LRRC37A3: variants seen among roughly 807,000 people sequenced by gnomAD.
The protein encoded by LRRC37A3 is leucine rich repeat containing 37 member A3.
Under a neutral mutation model 106.2 loss-of-function variants are expected in LRRC37A3, and 25 were observed. The ratio of observed to expected loss-of-function variants is 0.24; its 90% CI spans 0.17 to 0.33. The LOEUF is 0.33. LRRC37A3 is among the 10% of genes least tolerant of loss of function. LRRC37A3 has a pLI of 1.00. For synonymous variants in LRRC37A3, 305 were observed against 635.8 expected, an observed-to-expected ratio of 0.48 and a Z score of 7.83; for missense variants, 712 against 1,644.9, an observed-to-expected ratio of 0.43 and a Z score of 9.81.
At chr17:64,861,573 A>C (rs1470263863) in intron 11 of LRRC37A3, among the ~76,000 whole-genome samples, 3 of 152,230 alleles carry the variant, frequency 2.0e-5, no homozygotes, top group Non-Finnish European at 4.4e-5. Flanking sequence ...AGAAGATGCG[A>C]CATGGAAAAA....
At chr17:64,873,416 T>C (rs1359636588) in intron 8 of LRRC37A3, among the ~76,000 whole-genome samples, 1 of 152,156 alleles carries the variant, frequency 6.6e-6, no homozygotes, top group Non-Finnish European at 1.5e-5. Flanking sequence ...AGCCTCAGCC[T>C]CCCAAAGTGC....
In LRRC37A3 at chr17:64,862,886, C is replaced by G. The variant is rs746175342; in HGVS notation, c.3172+14G>C. 1 of 1,599,066 alleles carries G rather than the reference C, an allele frequency of 6.3e-7. No homozygotes were observed. Among genetic ancestry groups the G allele is most frequent in the Non-Finnish European group, 8.5e-7 (1 of 1,179,716 alleles). Reference sequence around the variant, plus strand: ...CTTAATGTAACAATTTATCACCATGCAATTTGGACTCACGACAATGTGTGG... The same window carrying G: ...CTTAATGTAACAATTTATCACCATGGAATTTGGACTCACGACAATGTGTGG... On this transcript the variant is annotated intron_variant, in intron 11 of 14. Transcript: ENST00000584306.
chr17:64,914,706 ATTT>A (rs1207501518), intron 2 of LRRC37A3, among the ~76,000 whole-genome samples: 1 of 143,070 alleles, frequency 7.0e-6, no homozygotes, highest in East Asian at 2.0e-4. Flanking sequence ...ACTCATCTCT[ATTT>A]AAAAAGAAAG....
chr17:64,873,909 CA>C (rs1235486965), intron 8 of LRRC37A3, among the ~76,000 whole-genome samples: 4 of 152,038 alleles, frequency 2.6e-5, no homozygotes, highest in African/African-American at 9.7e-5. Flanking sequence ...ACTTCCCAAA[CA>C]TGATGAAAAA....
chr17:64,860,105 C>T lies in LRRC37A3; in HGVS notation c.4041G>A (p.Ala1347=), dbSNP rs761089250. 4.1e-5 allele frequency: 66 copies of T among 1,613,932 alleles called. 1 individual carries two copies. The highest frequency in any genetic ancestry group is 3.6e-4 in the South Asian group (33 of 91,064). The change falls in exon 12 of 15, where the codon GCG becomes GCA. Residue 1347 remains alanine, a synonymous_variant. Transcript: ENST00000584306. ...MLSNRLPFSA[A]KSLINSPSQG... ...GTGAAGGGGAATTTATGAGGCTCTT[C>T]GCTGCAGAGAACGGAAGCCTGTTTG... is the stretch of plus-strand genomic sequence containing the variant.
intron 8 of LRRC37A3, among the ~76,000 whole-genome samples, chr17:64,873,328 A>AT (rs1973383857): frequency 6.6e-6 from 1 of 150,620 alleles, no homozygotes; most frequent in Non-Finnish European, 1.5e-5. Context: ...CTAGACAAAG[A>AT]TTTTTTTATT....
chr17:64,879,936 C>T lies in LRRC37A3; in HGVS notation c.2906+6150G>A, dbSNP rs528066225. ...AACACCAAAAATAATGACTGTAAGG[C>T]AGTATGTAGCCAAACAACTTAGCAA... On this transcript the variant is annotated intron_variant, in intron 8 of 14. Coordinates refer to ENST00000584306, the MANE Select transcript of LRRC37A3 (RefSeq NM_199340.5). Among the ~76,000 whole-genome samples the T allele has an allele frequency of 5.3e-3, 806 of 152,242 alleles. 2 individuals carry two copies. The highest frequency in any genetic ancestry group is 0.037 in the Middle Eastern group (11 of 294).
intron 10 of LRRC37A3, among the ~76,000 whole-genome samples, chr17:64,866,610 ATATATATATATATATATATT>A (rs1230938833): frequency 9.9e-5 from 2 of 20,224 alleles, no homozygotes; most frequent in Admixed American, 6.3e-4. Flanking sequence ...ATATATATAT[ATATATATATATATATATATT>A]TTTTTTTTTT....
At chr17:64,916,655 G>C (rs181054094) in intron 2 of LRRC37A3, among the ~76,000 whole-genome samples, 201 of 149,820 alleles carry the variant, frequency 1.3e-3, no homozygotes, top group African/African-American at 4.8e-3. Flanking sequence ...GTGGTGGTGC[G>C]CACTTGCAAT....
At chr17:64,909,206 A>G (rs1165924946) in intron 2 of LRRC37A3, among the ~76,000 whole-genome samples, 1 of 152,230 alleles carries the variant, frequency 6.6e-6, no homozygotes, top group African/African-American at 2.4e-5. Context: ...ACATTAGATG[A>G]AATTCCAGAA....
At chr17:64,880,585 G>A (rs1172030158) in intron 8 of LRRC37A3, among the ~76,000 whole-genome samples, 2 of 152,200 alleles carry the variant, frequency 1.3e-5, no homozygotes, top group East Asian at 3.8e-4. Flanking sequence ...AATGTGGCAA[G>A]CTTTTTTTCA....
At position 64,859,601 on chromosome 17, in the gene LRRC37A3, G is replaced by T; in HGVS notation, c.4545C>A (p.Ala1515=). ...CSGAHVQVTC[A]KLVSRTGHLM... The stretch of plus-strand genomic sequence containing the variant: ...GGTGGCCTGTCCTGGAGACGAGCTT[G>T]GCACAGGTCACTTGCACATGGGCCC... Residue 1515 remains alanine, a synonymous_variant, in exon 12 of 15, where the codon GCC becomes GCA. Transcript: ENST00000584306. 6.2e-7 allele frequency: 1 copy of T among 1,613,156 alleles called. No individual in the cohort carries two copies. The highest frequency in any genetic ancestry group is 8.5e-7 in the Non-Finnish European group (1 of 1,179,914).
chr17:64,916,397 C>T (rs1181659822), intron 2 of LRRC37A3, among the ~76,000 whole-genome samples: 6 of 152,100 alleles, frequency 3.9e-5, no homozygotes, highest in African/African-American at 1.4e-4. Flanking sequence ...CAGCGAGACT[C>T]CGTCTCAAAT....
intron 8 of LRRC37A3, chr17:64,881,292 G>C (rs1973694965): frequency 1.5e-6 from 1 of 685,604 alleles, no homozygotes; most frequent in Non-Finnish European, 2.6e-6. Flanking sequence ...GCCCAGGCTG[G>C]AGTGCAGTGC....
chr17:64,859,881 G>A lies in LRRC37A3; in HGVS notation c.4265C>T (p.Pro1422Leu). 1 of 1,613,240 alleles carries A rather than the reference G, an allele frequency of 6.2e-7. No individual in the cohort carries two copies. The highest frequency in any genetic ancestry group is 8.5e-7 in the Non-Finnish European group (1 of 1,179,840). The change falls in exon 12 of 15, where the codon CCT becomes CTT. Residue 1422 changes from proline (P) to leucine (L), a missense_variant. Transcript: ENST00000584306. ...TISENTNYNH[P>L]PEADSAGTAF... ...AGTCCCAGCGGAATCTGCCTCAGGA[G>A]GATGATTGTAGTTTGTGTTTTCAGA... is the stretch of plus-strand genomic sequence containing the variant.
At position 64,860,758 on chromosome 17, in the gene LRRC37A3, C is replaced by T. The variant is rs77916588; in HGVS notation, c.3388G>A (p.Val1130Ile). 1,298 of 1,614,026 alleles carry T rather than the reference C, an allele frequency of 8.0e-4. 7 individuals carry two copies. In the African/African-American group the frequency reaches 0.015, roughly 18 times the overall value. The change falls in exon 12 of 15, where the codon GTT (valine) becomes ATT (isoleucine). Residue 1130 changes from valine to isoleucine, a missense_variant. Physicochemically the swap from Val to Ile is conservative, Grantham distance 29 (BLOSUM62 3). Coordinates refer to ENST00000584306, the MANE Select transcript of LRRC37A3 (RefSeq NM_199340.5). Reference protein sequence around the residue: ...LSYILPYFSAVNLDVKSLLLP... With the variant: ...LSYILPYFSAINLDVKSLLLP... ...AACAGTGATTTCACATCTAGGTTAACGGCTGAGAAATAAGGTAAGATGTAA... is the reference window on the plus strand; with the variant it reads ...AACAGTGATTTCACATCTAGGTTAATGGCTGAGAAATAAGGTAAGATGTAA...
intron 10 of LRRC37A3, among the ~76,000 whole-genome samples, chr17:64,867,694 C>G (rs1973163102): frequency 6.6e-6 from 1 of 151,356 alleles, no homozygotes; most frequent in Non-Finnish European, 1.5e-5. Context: ...TTCGTTGAAT[C>G]TATGGATGAG....
chr17:64,875,048 C>G (rs1405548265), intron 8 of LRRC37A3, among the ~76,000 whole-genome samples: 1 of 151,802 alleles, frequency 6.6e-6, no homozygotes, highest in Non-Finnish European at 1.5e-5. Flanking sequence ...TGTCCTATGA[C>G]CCTGCCAAAT....
At chr17:64,916,407 TAAATA>T (rs1364836028) in intron 2 of LRRC37A3, among the ~76,000 whole-genome samples, 3 of 151,402 alleles carry the variant, frequency 2.0e-5, no homozygotes, top group African/African-American at 7.3e-5. Context: ...CCGTCTCAAA[TAAATA>T]AATAAATAAA....
Sources: allele counts gnomAD v4.1 joint callset (sites outside exome capture counted in the v4.1 genomes callset), GRCh38; gene constraint gnomAD v4.1.1; transcripts MANE v1.5; gene names NCBI Gene and HGNC (gene_info 2026-07-23, HGNC 2026-07-21).